Variants in LRP5 observed in about 807,000 individuals in gnomAD.
LRP5 encodes the protein low-density lipoprotein receptor-related protein 5.
A neutral mutation model predicts 154.1 loss-of-function variants in LRP5; 62 were observed. That is an observed-to-expected ratio of 0.40 (90% CI 0.33 to 0.50). LRP5 has a LOEUF of 0.50. LRP5 is among the 20% of genes least tolerant of loss of function. The pLI is 0.55. For missense variants in LRP5, 1,915 were observed against 2,336.7 expected, an observed-to-expected ratio of 0.82 and a Z score of 3.72; for synonymous variants, 966 against 1,011.5, an observed-to-expected ratio of 0.96 and a Z score of 0.85.
chr11:68,309,690 C>G (rs533286415), upstream of LRP5, among the ~76,000 whole-genome samples: 119 of 151,710 alleles, frequency 7.8e-4, no homozygotes, highest in Non-Finnish European at 1.6e-3. Flanking sequence ...AATTTAGAAA[C>G]CTGACTTGAA....
At chr11:68,370,716 C>G (rs2098633581) in intron 5 of LRP5, among the ~76,000 whole-genome samples, 1 of 152,230 alleles carries the variant, frequency 6.6e-6, no homozygotes, top group Non-Finnish European at 1.5e-5. Context: ...TTACACATAA[C>G]TCAGTTGGAG....
chr11:68,382,365 A>C (rs550352457), intron 5 of LRP5, among the ~76,000 whole-genome samples: 55 of 152,254 alleles, frequency 3.6e-4, no homozygotes, highest in Admixed American at 2.4e-3. Context: ...ACCTGCCACA[A>C]CCTGCCATGT....
chr11:68,365,356 C>T (rs1284643646), intron 4 of LRP5, among the ~76,000 whole-genome samples: 4 of 138,866 alleles, frequency 2.9e-5, no homozygotes, highest in African/African-American at 1.1e-4. Flanking sequence ...AATTGCAGGC[C>T]GTCTGGCCAG....
chr11:68,429,240 G>A (rs1193217673), intron 16 of LRP5, among the ~76,000 whole-genome samples: 1 of 152,018 alleles, frequency 6.6e-6, no homozygotes, highest in African/African-American at 2.4e-5. Flanking sequence ...GTGACAGAGT[G>A]TGACCCTGTC....
At chr11:68,373,472 G>A (rs977254169) in intron 5 of LRP5, among the ~76,000 whole-genome samples, 1 of 152,174 alleles carries the variant, frequency 6.6e-6, no homozygotes. Context: ...GCTAGCCCTG[G>A]GCTGTGTCCT....
chr11:68,314,974 G>A (rs2153111316), intron 1 of LRP5, among the ~76,000 whole-genome samples: 1 of 152,346 alleles, frequency 6.6e-6, no homozygotes, highest in East Asian at 1.9e-4. Context: ...TTTAATTTCA[G>A]CCGTGCTGTG....
chr11:68,360,386 C>T (rs2098626809), intron 3 of LRP5, among the ~76,000 whole-genome samples: 1 of 142,640 alleles, frequency 7.0e-6, no homozygotes, highest in Admixed American at 7.4e-5. Context: ...ACAGCTAGTC[C>T]CAGCCAGGGT....
rs2098676416 is a variant in LRP5, at chr11:68,438,650, C to A, written c.4316C>A (p.Ala1439Asp). 6.2e-7 allele frequency: 1 copy of A among 1,613,194 alleles called. No individual in the cohort carries two copies. Among genetic ancestry groups the A allele is most frequent in the Non-Finnish European group, 8.5e-7 (1 of 1,179,986 alleles). Residue 1439 changes from alanine (A) to aspartate (D), a missense_variant, in exon 20 of 23, where the codon GCC (alanine) becomes GAC (aspartate). Physicochemically the swap from Ala to Asp is moderately radical, Grantham distance 126 (BLOSUM62 -2). Coordinates refer to ENST00000294304, the MANE Select transcript of LRP5 (RefSeq NM_002335.4). The stretch of plus-strand genomic sequence containing the variant: ...CCGCACGTGCCCCTCAATTTCATAG[C>A]CCCGGGCGGTTCCCAGCATGGCCCC... The part of the protein sequence containing the change: ...GTPHVPLNFI[A>D]PGGSQHGPFT...
intron 1 of LRP5, among the ~76,000 whole-genome samples, chr11:68,324,979 C>T (rs1591176145): frequency 6.6e-6 from 1 of 152,220 alleles, no homozygotes; most frequent in African/African-American, 2.4e-5. Context: ...TGCTCAGAGA[C>T]CACCAGGTGA....
At position 68,423,095 on chromosome 11, in the gene LRP5, C is replaced by T. The variant is rs967827580; in HGVS notation, c.3028-394C>T. Among the ~76,000 whole-genome samples, 1 of 152,126 alleles carries T rather than the reference C, an allele frequency of 6.6e-6. No individual in the cohort carries two copies. The highest frequency in any genetic ancestry group is 1.5e-5 in the Non-Finnish European group (1 of 68,014). On this transcript the variant is annotated intron_variant, in intron 13 of 22. Transcript: ENST00000294304. This position sits in a 1 kb window ranked among gnomAD's most constrained non-coding sequence, Gnocchi z 4.7. ...GGCCCCATGGTCTTGGATCCCTTCT[C>T]GACTGTCAATGGGGCCTTCATGGGA...
chr11:68,412,608 G>A (rs1228401645), intron 11 of LRP5, among the ~76,000 whole-genome samples: 1 of 151,162 alleles, frequency 6.6e-6, no homozygotes, highest in South Asian at 2.1e-4. Context: ...TCATGCCACT[G>A]CACTCCAGCC....
At chr11:68,322,853 G>A (rs1157011082) in intron 1 of LRP5, among the ~76,000 whole-genome samples, 11 of 152,222 alleles carry the variant, frequency 7.2e-5, no homozygotes, top group African/African-American at 2.7e-4. Context: ...CCTGCAGTAA[G>A]AGCCCATATT....
chr11:68,374,041 T>C (rs2098635930), intron 5 of LRP5, among the ~76,000 whole-genome samples: 1 of 152,136 alleles, frequency 6.6e-6, no homozygotes, highest in Non-Finnish European at 1.5e-5. Flanking sequence ...GCTTGGGGAT[T>C]TGTGGGCCGC....
intron 21 of LRP5, chr11:68,445,461 TTCACC>T: frequency 1.1e-5 from 5 of 447,924 alleles, no homozygotes; most frequent in Admixed American, 6.5e-5. Context: ...AAAACAGGAC[TTCACC>T]CGGGTCTGTC....
Position 68,403,508 on chromosome 11 carries a change from G to A in LRP5, c.1610G>A (p.Arg537Lys). 6.2e-7 allele frequency: 1 copy of A among 1,614,142 alleles called. No individual in the cohort carries two copies. The highest frequency in any genetic ancestry group is 1.1e-5 in the South Asian group (1 of 91,078). The change falls in exon 8 of 23, where the codon AGG becomes AAG. Residue 537 changes from arginine (R) to lysine (K), a missense_variant. Coordinates refer to ENST00000294304, the MANE Select transcript of LRP5 (RefSeq NM_002335.4). ...GTGATCAATGTTGATGGGACGAAGA[G>A]GCGGACCCTCCTGGAGGACAAGCTC... ...IEVINVDGTK[R>K]RTLLEDKLPH...
intron 1 of LRP5, among the ~76,000 whole-genome samples, chr11:68,345,344 G>C (rs2098612027): frequency 6.6e-6 from 1 of 152,166 alleles, no homozygotes; most frequent in Non-Finnish European, 1.5e-5. Context: ...CTGGAATGCA[G>C]TGGCGCAATC....
At chr11:68,442,840 G>C (rs1353024391) in intron 21 of LRP5, among the ~76,000 whole-genome samples, 2 of 152,190 alleles carry the variant, frequency 1.3e-5, no homozygotes, top group Admixed American at 1.3e-4. Context: ...GTGGGGCCAG[G>C]CCATCCAACT....
At chr11:68,339,512 T>C (rs1312660543) in intron 1 of LRP5, among the ~76,000 whole-genome samples, 1 of 151,944 alleles carries the variant, frequency 6.6e-6, no homozygotes, top group Non-Finnish European at 1.5e-5. Context: ...CATGCCCAGC[T>C]AATTTGTGTA....
intron 13 of LRP5, among the ~76,000 whole-genome samples, chr11:68,419,011 A>G (rs2098664067): frequency 6.6e-6 from 1 of 151,952 alleles, no homozygotes; most frequent in African/African-American, 2.4e-5. Flanking sequence ...TTAATTTGGA[A>G]AATGTGCTTT....
Sources: gnomAD v4.1 joint callset for allele counts (sites outside exome capture counted in the v4.1 genomes callset) on GRCh38, gnomAD v4.1.1 for gene constraint, Gnocchi (gnomAD v3.1) non-coding constraint, MANE v1.5 for transcripts, NCBI Gene and HGNC (gene_info 2026-07-23, HGNC 2026-07-21) for gene names.